Variants in PALLD observed in about 807,000 individuals in gnomAD.
The protein encoded by PALLD is palladin, cytoskeletal associated protein.
A neutral mutation model predicts 123.5 loss-of-function variants in PALLD; 61 were observed. The observed-to-expected ratio is 0.49, with a 90% CI of 0.40 to 0.61. PALLD has a LOEUF of 0.61. Ranked by LOEUF, PALLD falls within the 20% of genes least tolerant of loss-of-function variation. The probability of loss-of-function intolerance (pLI) is 0.00; values close to 1 mark genes in which losing one functional copy is unlikely to be tolerated. For missense variants in PALLD, 1,273 were observed against 1,377.0 expected (o/e 0.92, Z 1.20); for synonymous variants, 465 against 496.4 (o/e 0.94, Z 0.84).
Position 168,539,568 on chromosome 4 carries a change from AAAATAAATAAATAAATAAAT to A in PALLD, c.908+27184_908+27203del, listed in dbSNP as rs150961800. Among the ~76,000 whole-genome samples, 187 of 145,508 alleles carry A rather than the reference AAAATAAATAAATAAATAAAT, an allele frequency of 1.3e-3. 2 individuals carry two copies. Among genetic ancestry groups the A allele is most frequent in the South Asian group, 6.9e-3 (31 of 4,524 alleles). On this transcript the variant is annotated intron_variant, in intron 2 of 21. Transcript: ENST00000505667. ...GCGCCACTGACTGTCTCAAAAAATA[AAAATAAATAAATAAATAAAT>A]AAATAAATAAATAAATAAATAAATA...
At chr4:168,614,759 C>A (rs1415913093) in intron 2 of PALLD, among the ~76,000 whole-genome samples, 1 of 152,102 alleles carries the variant, frequency 6.6e-6, no homozygotes, top group Non-Finnish European at 1.5e-5. Flanking sequence ...GCCAAAAGTA[C>A]AATGAAATGA....
At chr4:168,755,409 G>A (rs1413687224) in intron 10 of PALLD, among the ~76,000 whole-genome samples, 1 of 150,186 alleles carries the variant, frequency 6.7e-6, no homozygotes, top group African/African-American at 2.5e-5. Context: ...GAAAGATCAC[G>A]TTTTTAAGCC....
chr4:168,816,389 G>GTATAAATATA (rs1554088405), intron 10 of PALLD, among the ~76,000 whole-genome samples: 1 of 139,026 alleles, frequency 7.2e-6, no homozygotes, highest in African/African-American at 2.6e-5. Context: ...GTGTATGTGT[G>GTATAAATATA]TATATATATA....
At chr4:168,718,593 A>T (rs147251153) in intron 10 of PALLD, among the ~76,000 whole-genome samples, 1 of 152,242 alleles carries the variant, frequency 6.6e-6, no homozygotes, top group Admixed American at 6.5e-5. Context: ...AGTTAAAAGT[A>T]TAAAGAAATA....
At chr4:168,640,066 A>G (rs1776788047) in intron 2 of PALLD, among the ~76,000 whole-genome samples, 1 of 152,340 alleles carries the variant, frequency 6.6e-6, no homozygotes, top group East Asian at 1.9e-4. Context: ...AAGGTATGAG[A>G]AAGTGACGAT....
intron 2 of PALLD, among the ~76,000 whole-genome samples, chr4:168,639,960 C>T (rs895719928): frequency 6.6e-6 from 1 of 152,162 alleles, no homozygotes; most frequent in Admixed American, 6.5e-5. Context: ...TGTTCTCCAA[C>T]AATTTCATCA....
At chr4:168,880,251 A>G (rs1399829946) in intron 10 of PALLD, among the ~76,000 whole-genome samples, 1 of 152,222 alleles carries the variant, frequency 6.6e-6, no homozygotes, top group African/African-American at 2.4e-5. Flanking sequence ...CATTTTATGG[A>G]GTCAAAATAG....
chr4:168,922,100 TATACACACACACACACAC>T (rs1338443777), intron 18 of PALLD, among the ~76,000 whole-genome samples: 4 of 96,640 alleles, frequency 4.1e-5, no homozygotes, highest in South Asian at 4.1e-4. Flanking sequence ...TATATATATA[TATACACACACACACACAC>T]ACACACACAC....
intron 13 of PALLD, chr4:168,898,212 C>T: frequency 4.3e-6 from 2 of 460,694 alleles, no homozygotes; most frequent in African/African-American, 2.0e-5. Context: ...TCTTTCCTTC[C>T]CCTTGTTTCC....
At chr4:168,499,180 CAAAA>C (rs1157137965) in intron 1 of PALLD, among the ~76,000 whole-genome samples, 10 of 16,382 alleles carry the variant, frequency 6.1e-4, no homozygotes, top group African/African-American at 1.3e-3. Context: ...CCCTTTGTAG[CAAAA>C]AAAAAAAAAA....
At chr4:168,698,548 A>G (rs1182955224) in intron 8 of PALLD, among the ~76,000 whole-genome samples, 1 of 152,062 alleles carries the variant, frequency 6.6e-6, no homozygotes. Flanking sequence ...GAAACAAAAT[A>G]TGGAGATACC....
chr4:168,925,964 TAA>T (rs11357121), intron 21 of PALLD, among the ~76,000 whole-genome samples: 69 of 149,938 alleles, frequency 4.6e-4, no homozygotes, highest in African/African-American at 8.1e-4. Context: ...AGTGTTTACT[TAA>T]AAAAAAAAAA....
At chr4:168,709,185 C>T (rs1458824228) in intron 9 of PALLD, 38 bp downstream of exon 9, 4 of 1,609,346 alleles carry the variant, frequency 2.5e-6, no homozygotes, top group African/African-American at 1.3e-5. Flanking sequence ...GGTTCTGTTC[C>T]CCAGCACCAG....
chr4:168,736,870 C>A (rs1237369390), intron 10 of PALLD, among the ~76,000 whole-genome samples: 1 of 152,060 alleles, frequency 6.6e-6, no homozygotes. Context: ...GAAAAACAGA[C>A]CCTCAGGAGA....
chr4:168,616,667 A>G (rs543047984), intron 2 of PALLD, among the ~76,000 whole-genome samples: 1 of 152,304 alleles, frequency 6.6e-6, no homozygotes, highest in East Asian at 1.9e-4. Context: ...TGAAATGAGC[A>G]GGTAGGGTGC....
intron 2 of PALLD, among the ~76,000 whole-genome samples, chr4:168,578,113 A>G (rs1165027408): frequency 6.6e-6 from 1 of 152,104 alleles, no homozygotes; most frequent in African/African-American, 2.4e-5. Context: ...TTGAAATCTG[A>G]TAATAAATAA....
intron 1 of PALLD, among the ~76,000 whole-genome samples, chr4:168,506,369 T>TTC (rs10689129): frequency 0.39 from 59,322 of 151,138 alleles, 12,493 homozygotes; most frequent in East Asian, 0.58. Context: ...AATCTCATGT[T>TTC]TCTCTCTCTC....
chr4:168,591,818 T>A (rs898386288), intron 2 of PALLD, among the ~76,000 whole-genome samples: 3 of 152,156 alleles, frequency 2.0e-5, no homozygotes, highest in Non-Finnish European at 4.4e-5. Flanking sequence ...TGACTGAATT[T>A]ATTATTATTA....
intron 15 of PALLD, among the ~76,000 whole-genome samples, chr4:168,904,689 G>T (rs988965737): frequency 1.3e-5 from 2 of 152,012 alleles, no homozygotes; most frequent in South Asian, 4.1e-4. Context: ...AAAAAAAAAG[G>T]CATGGTAAAA....
Sources: allele counts gnomAD v4.1 joint callset (sites outside exome capture counted in the v4.1 genomes callset), GRCh38; gene constraint gnomAD v4.1.1; transcripts MANE v1.5; gene names NCBI Gene and HGNC (gene_info 2026-07-23, HGNC 2026-07-21).